TMEM74: variants seen among roughly 807,000 people sequenced by gnomAD.
The protein encoded by TMEM74 is transmembrane protein 74.
Under a neutral mutation model 18.1 loss-of-function variants are expected in TMEM74, and 13 were observed. The observed-to-expected ratio is 0.72, with a 90% CI of 0.47 to 1.14. The LOEUF (loss-of-function observed/expected upper bound fraction) is 1.14. Ranked by LOEUF, TMEM74 falls within the 50% of genes most tolerant of loss-of-function variation. The pLI, the probability that TMEM74 is intolerant of heterozygous loss-of-function variation, is 0.00. For missense variants in TMEM74, 372 were observed against 375.9 expected (o/e 0.99, Z 0.09); for synonymous variants, 159 against 146.6 (o/e 1.08, Z -0.61).
intron 1 of TMEM74, among the ~76,000 whole-genome samples, chr8:108,750,246 C>T (rs10088984): frequency 0.03 from 4,503 of 152,240 alleles, 154 homozygotes; most frequent in African/African-American, 0.082. Context: ...CATTGTTTCA[C>T]CCAGCATTGC....
At chr8:108,755,508 A>G (rs1813951211) in intron 1 of TMEM74, among the ~76,000 whole-genome samples, 1 of 152,148 alleles carries the variant, frequency 6.6e-6, no homozygotes, top group Non-Finnish European at 1.5e-5. Context: ...TTCAAAATTT[A>G]AGCTTAAAGA....
intron 1 of TMEM74, among the ~76,000 whole-genome samples, chr8:108,704,934 T>C (rs1364392047): frequency 6.6e-6 from 1 of 152,226 alleles, no homozygotes; most frequent in Non-Finnish European, 1.5e-5. Flanking sequence ...CAGAGATTTG[T>C]AAATCTCAAA....
chr8:108,760,973 A>AGTGT (rs60213902), intron 1 of TMEM74, among the ~76,000 whole-genome samples: 39,503 of 148,876 alleles, frequency 0.27, 5,334 homozygotes, highest in Middle Eastern at 0.32. Flanking sequence ...GTGGTTTTGG[A>AGTGT]GTGTGTGTGT....
At chr8:108,772,837 A>G (rs1315038597) in intron 1 of TMEM74, among the ~76,000 whole-genome samples, 1 of 152,162 alleles carries the variant, frequency 6.6e-6, no homozygotes, top group Non-Finnish European at 1.5e-5. Flanking sequence ...AATTTCTATG[A>G]TAAGTCTAAC....
At chr8:108,682,460 T>G (rs1398664220) in intron 1 of TMEM74, among the ~76,000 whole-genome samples, 1 of 152,124 alleles carries the variant, frequency 6.6e-6, no homozygotes, top group Non-Finnish European at 1.5e-5. Context: ...TAATTTATAT[T>G]TATCTGTTTA....
At chr8:108,768,604 C>T (rs1014252482) in intron 1 of TMEM74, among the ~76,000 whole-genome samples, 7 of 152,154 alleles carry the variant, frequency 4.6e-5, no homozygotes, top group African/African-American at 1.4e-4. Flanking sequence ...CTTTCACACC[C>T]GCGTTTCCCT....
chr8:108,720,177 C>T (rs751907164), intron 1 of TMEM74, among the ~76,000 whole-genome samples: 4 of 138,398 alleles, frequency 2.9e-5, no homozygotes, highest in Non-Finnish European at 6.2e-5. Flanking sequence ...CCAGCTGTCC[C>T]CAAATTTTGT....
chr8:108,752,745 C>T (rs1813916093), intron 1 of TMEM74, among the ~76,000 whole-genome samples: 1 of 152,150 alleles, frequency 6.6e-6, no homozygotes, highest in South Asian at 2.1e-4. Flanking sequence ...TTTATTCCCA[C>T]TACAACTGTT....
intron 1 of TMEM74, among the ~76,000 whole-genome samples, chr8:108,683,170 A>G (rs921314887): frequency 1.3e-5 from 2 of 151,872 alleles, no homozygotes; most frequent in African/African-American, 2.4e-5. Context: ...TATAAACGAC[A>G]TCAGCTCAAA....
chr8:108,675,368 G>A (rs909589827), intron 1 of TMEM74, among the ~76,000 whole-genome samples: 1 of 152,200 alleles, frequency 6.6e-6, no homozygotes, highest in Admixed American at 6.6e-5. Context: ...TAGCTTTGGA[G>A]GGGAAGCCCT....
chr8:108,609,525 G>A lies in TMEM74; in HGVS notation n.265-699C>T, dbSNP rs979841399. The stretch of plus-strand genomic sequence containing the variant: ...TAGCTGGGCTTGGTGGCTGGTGCCT[G>A]TAATCTCAGCTACTGGGGAGGCTGA... On this transcript the variant is annotated intron_variant and non_coding_transcript_variant, in intron 2 of 3. Coordinates refer to the TMEM74 transcript ENST00000518838. Among the ~76,000 whole-genome samples the A allele has an allele frequency of 3.3e-5, 5 of 152,206 alleles. No individual in the cohort carries two copies. The East Asian group carries it at 9.7e-4, about 29-fold the overall frequency.
chr8:108,657,859 A>AAAAATATATAT (rs1554630268), intron 1 of TMEM74, among the ~76,000 whole-genome samples: 1 of 49,878 alleles, frequency 2.0e-5, no homozygotes, highest in Non-Finnish European at 3.5e-5. Flanking sequence ...AAAAAAAAAA[A>AAAAATATATAT]ATATATATAT....
chr8:108,609,527 A>G (rs1726530718), intron 2 of TMEM74, among the ~76,000 whole-genome samples: 2 of 152,142 alleles, frequency 1.3e-5, no homozygotes, highest in African/African-American at 2.4e-5. Flanking sequence ...TGGTGCCTGT[A>G]ATCTCAGCTA....
chr8:108,702,761 C>T (rs1813350217), intron 1 of TMEM74, among the ~76,000 whole-genome samples: 1 of 134,288 alleles, frequency 7.4e-6, no homozygotes, highest in Non-Finnish European at 1.6e-5. Context: ...CCTCCCCCCA[C>T]CTCACAACTT....
At chr8:108,660,754 T>C (rs879246327) in intron 1 of TMEM74, among the ~76,000 whole-genome samples, 18 of 152,158 alleles carry the variant, frequency 1.2e-4, no homozygotes, top group Admixed American at 1.0e-3. Context: ...GTGAAACAGT[T>C]AGCCGTAATA....
chr8:108,618,561 C>T (rs1246662029), intron 2 of TMEM74, among the ~76,000 whole-genome samples: 1 of 152,154 alleles, frequency 6.6e-6, no homozygotes, highest in Non-Finnish European at 1.5e-5. Flanking sequence ...GTTATCAGTA[C>T]ACTGGAGTAC....
At chr8:108,691,486 G>T (rs375284808) in intron 1 of TMEM74, among the ~76,000 whole-genome samples, 39 of 152,166 alleles carry the variant, frequency 2.6e-4, no homozygotes, top group African/African-American at 8.9e-4. Context: ...TCTGAAGTTC[G>T]CAATGACTTC....
intron 1 of TMEM74, among the ~76,000 whole-genome samples, chr8:108,756,602 G>GAAA (rs1563543615): frequency 2.3e-3 from 107 of 45,766 alleles, no homozygotes; most frequent in African/African-American, 0.011. Context: ...GAAAGAGAAA[G>GAAA]GAAGGAAGGA....
chr8:108,733,512 G>A (rs566756188), intron 1 of TMEM74, among the ~76,000 whole-genome samples: 2 of 152,244 alleles, frequency 1.3e-5, no homozygotes, highest in East Asian at 3.9e-4. Flanking sequence ...CTGGAAAGGG[G>A]TAGGAGGGAA....
Sources: allele counts gnomAD v4.1 joint callset (sites outside exome capture counted in the v4.1 genomes callset), GRCh38; gene constraint gnomAD v4.1.1; transcripts MANE v1.5; gene names NCBI Gene and HGNC (gene_info 2026-07-23, HGNC 2026-07-21).